Variants in ABLIM2 observed in about 807,000 individuals in gnomAD.
ABLIM2 encodes the protein actin-binding LIM protein 2.
Under a neutral mutation model 97.7 loss-of-function variants are expected in ABLIM2, and 53 were observed. The observed-to-expected ratio is 0.54, with a 90% CI of 0.44 to 0.68. The LOEUF (loss-of-function observed/expected upper bound fraction) is 0.68. Ranked by LOEUF, ABLIM2 falls within the 30% of genes least tolerant of loss-of-function variation. The pLI is 0.00. For missense variants in ABLIM2, 835 were observed against 867.2 expected, an observed-to-expected ratio of 0.96 and a Z score of 0.47; for synonymous variants, 361 against 345.8, an observed-to-expected ratio of 1.04 and a Z score of -0.49.
chr4:8,133,397 G>A (rs1340068255), intron 1 of ABLIM2, among the ~76,000 whole-genome samples: 2 of 152,078 alleles, frequency 1.3e-5, no homozygotes, highest in Admixed American at 1.3e-4. Flanking sequence ...TTTTCTCCCC[G>A]TCCCCTGCGG....
Position 7,973,075 on chromosome 4 carries a change from C to CTGTGTGTGTGTGTGTGTGTGTG in ABLIM2, c.1825-5994_1825-5973dup, listed in dbSNP as rs71175444. ...CTCCAGCAATGAGCTGCTCCCCTTG[C>CTGTGTGTGTGTGTGTGTGTGTG]TGTGTGTGTGTGTGTGTGTGTGTGT... is the stretch of plus-strand genomic sequence containing the variant. On this transcript the variant is annotated intron_variant, in intron 20 of 20. Coordinates refer to ENST00000447017, the MANE Select transcript of ABLIM2 (RefSeq NM_001130083.2). Among the ~76,000 whole-genome samples the CTGTGTGTGTGTGTGTGTGTGTG allele has an allele frequency of 6.5e-3, 809 of 124,030 alleles. 24 individuals carry two copies. Among genetic ancestry groups the CTGTGTGTGTGTGTGTGTGTGTG allele is most frequent in the South Asian group, 0.015 (57 of 3,730 alleles). The allele number at this position is 124,030 out of a possible 152,430, so 81.4% of individuals were successfully genotyped here.
At chr4:8,056,029 C>T (rs1798839743) in intron 7 of ABLIM2, among the ~76,000 whole-genome samples, 1 of 140,262 alleles carries the variant, frequency 7.1e-6, no homozygotes, top group African/African-American at 2.7e-5. Flanking sequence ...AGGAGAATCG[C>T]TTGAACTTGG....
At chr4:8,020,634 T>C (rs970131293) in intron 12 of ABLIM2, 1 of 366,766 alleles carries the variant, frequency 2.7e-6, no homozygotes, top group Non-Finnish European at 5.0e-6. Context: ...GGTGTTTGAA[T>C]CCAACCAACT....
intron 14 of ABLIM2, among the ~76,000 whole-genome samples, chr4:8,017,516 G>A (rs764743817): frequency 1.2e-4 from 18 of 151,904 alleles, no homozygotes; most frequent in Non-Finnish European, 2.2e-4. Context: ...TCGAACTCCT[G>A]AGCTCAGGCA....
At chr4:8,104,775 G>T (rs1004295047) in intron 2 of ABLIM2, among the ~76,000 whole-genome samples, 1 of 152,206 alleles carries the variant, frequency 6.6e-6, no homozygotes, top group African/African-American at 2.4e-5. Flanking sequence ...CGGCACCAGG[G>T]TCGGTTCTCA....
chr4:8,011,755 G>A (rs1765031095), intron 14 of ABLIM2, among the ~76,000 whole-genome samples: 1 of 152,234 alleles, frequency 6.6e-6, no homozygotes, highest in South Asian at 2.1e-4. Flanking sequence ...GAATGCATTT[G>A]CCAGTGAGGA....
intron 6 of ABLIM2, among the ~76,000 whole-genome samples, chr4:8,076,533 C>T (rs892009891): frequency 1.3e-5 from 2 of 152,238 alleles, no homozygotes; most frequent in African/African-American, 4.8e-5. Context: ...CAGCCCCACC[C>T]TATCCTCCCA....
At chr4:8,111,301 A>C (rs1443681901) in intron 1 of ABLIM2, among the ~76,000 whole-genome samples, 1 of 152,230 alleles carries the variant, frequency 6.6e-6, no homozygotes, top group South Asian at 2.1e-4. Context: ...AAAATGAAGG[A>C]GACAGTAAGA....
At position 7,991,314 on chromosome 4, in the gene ABLIM2, G is replaced by A. The variant is rs143326712; in HGVS notation, c.1680+1552C>T. 1.1e-4 allele frequency among the ~76,000 whole-genome samples: 16 copies of A among 152,366 alleles called. No individual in the cohort carries two copies. In the East Asian group the frequency reaches 2.1e-3, roughly 20 times the overall value. On this transcript the variant is annotated intron_variant, in intron 17 of 20. Transcript: ENST00000447017. ...GCGTCAGTGACGCAAGACTACAAAT[G>A]CAGAGTGTGCTGCTCTCTCGCTTTC...
chr4:8,047,135 A>G (rs1793000529), intron 8 of ABLIM2, among the ~76,000 whole-genome samples: 1 of 152,226 alleles, frequency 6.6e-6, no homozygotes, highest in Non-Finnish European at 1.5e-5. Context: ...GGCCACGTGC[A>G]GCAGCAGGAG....
intron 3 of ABLIM2, among the ~76,000 whole-genome samples, chr4:8,089,645 C>A (rs943966838): frequency 2.1e-5 from 3 of 142,488 alleles, no homozygotes; most frequent in African/African-American, 7.8e-5. Context: ...TGAGGCAGGA[C>A]AATCGCTTGA....
chr4:8,110,365 A>G (rs1839706076), intron 1 of ABLIM2, among the ~76,000 whole-genome samples: 1 of 152,056 alleles, frequency 6.6e-6, no homozygotes, highest in African/African-American at 2.4e-5. Flanking sequence ...TGGTGGGGTC[A>G]GCTGGCCTGG....
At chr4:8,013,515 C>T (rs929435970) in intron 14 of ABLIM2, among the ~76,000 whole-genome samples, 6 of 152,264 alleles carry the variant, frequency 3.9e-5, no homozygotes, top group East Asian at 1.9e-4. Context: ...TGAGTCACTG[C>T]GCCCAGCCCT....
At chr4:7,987,996 G>C (rs912748268) in intron 17 of ABLIM2, among the ~76,000 whole-genome samples, 1 of 152,114 alleles carries the variant, frequency 6.6e-6, no homozygotes, top group Non-Finnish European at 1.5e-5. Flanking sequence ...AGCAACAAAT[G>C]ATTTAGCTGT....
Position 7,967,560 on chromosome 4 carries a change from C to T in ABLIM2, c.1825-457G>A, listed in dbSNP as rs116823877. ...CTTCGTAGCCCAGGAGGGTGGGGCG[C>T]GGACAGTGAGCAAGAATGCCAGGCA... On this transcript the variant is annotated intron_variant, in intron 20 of 20. Transcript: ENST00000447017. Among the ~76,000 whole-genome samples the T allele has an allele frequency of 4.9e-3, 748 of 152,304 alleles. 1 individual carries two copies. The highest frequency in any genetic ancestry group is 0.017 in the African/African-American group (687 of 41,566).
chr4:8,016,388 G>A (rs1769242631), intron 14 of ABLIM2, among the ~76,000 whole-genome samples: 1 of 152,100 alleles, frequency 6.6e-6, no homozygotes, highest in African/African-American at 2.4e-5. Flanking sequence ...CCTCCCCTGA[G>A]GGAATCGATC....
At chr4:8,131,709 C>T (rs377155725) in intron 1 of ABLIM2, among the ~76,000 whole-genome samples, 4 of 97,210 alleles carry the variant, frequency 4.1e-5, no homozygotes, top group African/African-American at 9.1e-5. Flanking sequence ...CACAGCAGCC[C>T]GCATCCCTGA....
At chr4:8,000,490 C>T (rs893929609) in intron 16 of ABLIM2, among the ~76,000 whole-genome samples, 2 of 152,070 alleles carry the variant, frequency 1.3e-5, no homozygotes, top group Non-Finnish European at 2.9e-5. Context: ...GGTGGACTAG[C>T]GCCCGCATGC....
intron 9 of ABLIM2, among the ~76,000 whole-genome samples, chr4:8,037,160 T>C (rs2151473138): frequency 6.6e-6 from 1 of 152,286 alleles, no homozygotes; most frequent in South Asian, 2.1e-4. Context: ...TTTTTTATTG[T>C]TGTTTGCTAT....
Sources: gnomAD v4.1 joint callset for allele counts (sites outside exome capture counted in the v4.1 genomes callset) on GRCh38, gnomAD v4.1.1 for gene constraint, MANE v1.5 for transcripts, NCBI Gene and HGNC (gene_info 2026-07-23, HGNC 2026-07-21) for gene names.